The following ATP6V0E1 variants were observed in gnomAD, a reference collection of about 807,000 sequenced individuals.
ATP6V0E1 encodes V-type proton ATPase subunit e 1.
In ATP6V0E1, 4 loss-of-function variants were observed where a neutral mutation model predicts 11.6. The observed-to-expected ratio is 0.35, with a 90% CI of 0.17 to 0.79. The LOEUF (loss-of-function observed/expected upper bound fraction) is 0.79. Ranked by LOEUF, ATP6V0E1 falls within the 30% of genes least tolerant of loss-of-function variation. The pLI, the probability that ATP6V0E1 is intolerant of heterozygous loss-of-function variation, is 0.54. For synonymous variants in ATP6V0E1, 36 were observed against 34.8 expected, an observed-to-expected ratio of 1.04 and a Z score of -0.13; for missense variants, 105 against 100.0, an observed-to-expected ratio of 1.05 and a Z score of -0.21.
At chr5:173,019,783 A>G (rs1156375731) in intron 2 of ATP6V0E1, among the ~76,000 whole-genome samples, 2 of 152,212 alleles carry the variant, frequency 1.3e-5, no homozygotes, top group Non-Finnish European at 2.9e-5. Flanking sequence ...GATAAGCTAC[A>G]ATCAAACCTT....
intron 1 of ATP6V0E1, among the ~76,000 whole-genome samples, chr5:172,990,907 C>T (rs1755969701): frequency 6.6e-6 from 1 of 151,702 alleles, no homozygotes; most frequent in Non-Finnish European, 1.5e-5. Context: ...GCCTCAGCCT[C>T]CCAAAGTGCT....
chr5:173,001,406 C>T lies in ATP6V0E1; in HGVS notation c.152+6584C>T, dbSNP rs114810586. 6.6e-3 allele frequency among the ~76,000 whole-genome samples: 1,009 copies of T among 152,306 alleles called. 7 individuals are homozygous for T. Among genetic ancestry groups the T allele is most frequent in the South Asian group, 0.031 (148 of 4,812 alleles). ...AGATTCCCCTTTACTCATTCTTTAG[C>T]CCCCGTTGCTGTCCATCACACAGGG... On this transcript the variant is annotated intron_variant, in intron 2 of 3. Coordinates refer to ENST00000519374, the MANE Select transcript of ATP6V0E1 (RefSeq NM_003945.4).
At chr5:173,021,443 T>C (rs1756483321) in intron 3 of ATP6V0E1, among the ~76,000 whole-genome samples, 1 of 152,116 alleles carries the variant, frequency 6.6e-6, no homozygotes, top group Admixed American at 6.6e-5. Context: ...GGGTCTCCCC[T>C]TATAAAACCA....
intron 3 of ATP6V0E1, among the ~76,000 whole-genome samples, chr5:173,025,077 G>A (rs1210366132): frequency 1.4e-5 from 2 of 146,988 alleles, no homozygotes; most frequent in Non-Finnish European, 3.0e-5. Context: ...TCTTGACCTC[G>A]TGATCCACCC....
rs376069350 is a variant in ATP6V0E1, at chr5:173,008,705, C to T, written c.153-11533C>T. Among the ~76,000 whole-genome samples the T allele has an allele frequency of 5.0e-3, 742 of 148,488 alleles. 7 individuals are homozygous for T. Among genetic ancestry groups the T allele is most frequent in the African/African-American group, 0.017 (706 of 40,892 alleles). ...TGGGCGGATCACGAGGTCAGGAGAT[C>T]GAGACCATCCTGGCTAATGCGGTGA... is the stretch of plus-strand genomic sequence containing the variant. On this transcript the variant is annotated intron_variant, in intron 2 of 3. Coordinates refer to ENST00000519374, the MANE Select transcript of ATP6V0E1 (RefSeq NM_003945.4).
At chr5:172,995,088 T>C (rs1351999584) in intron 2 of ATP6V0E1, among the ~76,000 whole-genome samples, 2 of 152,238 alleles carry the variant, frequency 1.3e-5, no homozygotes, top group Admixed American at 6.5e-5. Context: ...TATATTTTAC[T>C]ATGGTGAAGT....
intron 3 of ATP6V0E1, among the ~76,000 whole-genome samples, chr5:173,028,755 G>A (rs1018521226): frequency 2.6e-5 from 4 of 152,234 alleles, no homozygotes; most frequent in Non-Finnish European, 5.9e-5. Context: ...CCTAAGAGCA[G>A]TGCTCACTCC....
intron 3 of ATP6V0E1, among the ~76,000 whole-genome samples, chr5:173,026,903 G>C (rs984120511): frequency 3.9e-5 from 6 of 152,054 alleles, no homozygotes; most frequent in Non-Finnish European, 8.8e-5. Flanking sequence ...GTGGCCGAGC[G>C]TGTTGGCTCA....
At chr5:173,031,809 C>T (rs1324922434) in intron 3 of ATP6V0E1, among the ~76,000 whole-genome samples, 2 of 135,166 alleles carry the variant, frequency 1.5e-5, no homozygotes, top group East Asian at 2.4e-4. Context: ...GGCGAGAGAG[C>T]GAGACTCTGC....
At position 173,007,535 on chromosome 5, in the gene ATP6V0E1, C is replaced by CAT. The variant is rs148960844; in HGVS notation, c.153-12702_153-12701insTA. Among the ~76,000 whole-genome samples, 1,317 of 152,332 alleles carry CAT rather than the reference C, an allele frequency of 8.6e-3. 17 individuals carry two copies. The highest frequency in any genetic ancestry group is 0.03 in the African/African-American group (1,256 of 41,568). The stretch of plus-strand genomic sequence containing the variant: ...GAGTCCAATAAGGAGATAGAAACCA[C>CAT]AGTCGGTTAAGCAGGGGAAGATAAA... On this transcript the variant is annotated intron_variant, in intron 2 of 3. Coordinates refer to ENST00000519374, the MANE Select transcript of ATP6V0E1 (RefSeq NM_003945.4).
rs949401535 is a variant in ATP6V0E1 at position 172,985,026 on chromosome 5, C to T, written c.104+1062C>T. ...CTTTGGGAGGCCAAGGCGGGCGGAT[C>T]ACGAGGTCAGGAGATCGAGACCATC... On this transcript the variant is annotated intron_variant, in intron 1 of 3. Coordinates refer to ENST00000519374, the MANE Select transcript of ATP6V0E1 (RefSeq NM_003945.4). 3.9e-5 allele frequency among the ~76,000 whole-genome samples: 6 copies of T among 152,256 alleles called. 1 individual carries two copies. In the South Asian group the frequency reaches 8.3e-4, roughly 21 times the overall value.
chr5:172,984,639 T>C (rs546924422), intron 1 of ATP6V0E1, among the ~76,000 whole-genome samples: 77 of 152,356 alleles, frequency 5.1e-4, no homozygotes, highest in Non-Finnish European at 1.3e-4. Flanking sequence ...CAGACTTCTT[T>C]GTTGGTTAGA....
intron 3 of ATP6V0E1, 36 bp from the exon 4 acceptor site, chr5:173,034,352 CTGAGGAATGTA>C: frequency 1.4e-6 from 1 of 701,584 alleles, no homozygotes; most frequent in Non-Finnish European, 2.6e-6. Context: ...TTTTGCCTTC[CTGAGGAATGTA>C]TGAGGACCAG....
At chr5:173,026,526 TA>T (rs1429786798) in intron 3 of ATP6V0E1, among the ~76,000 whole-genome samples, 1 of 152,254 alleles carries the variant, frequency 6.6e-6, no homozygotes, top group Non-Finnish European at 1.5e-5. Context: ...TATTCATTCA[TA>T]TGTATATACA....
At chr5:172,997,995 G>A (rs1756093129) in intron 2 of ATP6V0E1, among the ~76,000 whole-genome samples, 1 of 151,892 alleles carries the variant, frequency 6.6e-6, no homozygotes, top group South Asian at 2.1e-4. Flanking sequence ...TGTCGTCCCA[G>A]CTACCGGGAA....
In ATP6V0E1 at chr5:172,983,794, C is replaced by T. The variant is rs1157874756; in HGVS notation, c.-67C>T. On this transcript the variant is annotated 5_prime_UTR_variant, in exon 1 of 4. Coordinates refer to ENST00000519374, the MANE Select transcript of ATP6V0E1 (RefSeq NM_003945.4). ...TTGCACACGCTGGTCACGCGGTCAG[C>T]TATTGACACTTCCTGGTGGGATCCG... is the stretch of plus-strand genomic sequence containing the variant. 1 of 1,481,432 alleles carries T rather than the reference C, an allele frequency of 6.8e-7. No individual in the cohort carries two copies. The highest frequency in any genetic ancestry group is 1.7e-5 in the Admixed American group (1 of 59,676). 91.8% of individuals were successfully genotyped at this position (1,481,432 alleles called of 1,614,324 possible).
intron 2 of ATP6V0E1, among the ~76,000 whole-genome samples, chr5:173,006,129 G>GT (rs56851366): frequency 1.7e-4 from 25 of 151,366 alleles, no homozygotes; most frequent in East Asian, 3.9e-4. Context: ...CCTTATTGTG[G>GT]TTTTTTTTTG....
chr5:172,988,577 A>T (rs1014250289), intron 1 of ATP6V0E1, among the ~76,000 whole-genome samples: 7 of 152,150 alleles, frequency 4.6e-5, no homozygotes, highest in African/African-American at 4.8e-5. Context: ...TGGGGATTTT[A>T]AAAAAAGGAA....
chr5:173,000,845 T>C (rs1756140728), intron 2 of ATP6V0E1, among the ~76,000 whole-genome samples: 1 of 151,928 alleles, frequency 6.6e-6, no homozygotes, highest in Non-Finnish European at 1.5e-5. Flanking sequence ...GGACTACAGA[T>C]GTGCGCCACC....
Sources: allele counts gnomAD v4.1 joint callset (sites outside exome capture counted in the v4.1 genomes callset), GRCh38; gene constraint gnomAD v4.1.1; transcripts MANE v1.5; gene names NCBI Gene and HGNC (gene_info 2026-07-23, HGNC 2026-07-21).